The following QKI variants were observed in gnomAD, a reference collection of about 807,000 sequenced individuals.
The protein encoded by QKI is QKI, KH domain containing RNA binding.
QKI carries 10 observed loss-of-function variants against 39.0 expected under a neutral mutation model. The ratio of observed to expected loss-of-function variants is 0.26; its 90% CI spans 0.16 to 0.43. The LOEUF (loss-of-function observed/expected upper bound fraction) is 0.43, where lower values mean the gene tolerates loss of function less well. QKI is among the 20% of genes least tolerant of loss of function. The pLI is 1.00. For missense variants in QKI, 218 were observed against 428.0 expected, an observed-to-expected ratio of 0.51 and a Z score of 4.33; for synonymous variants, 204 against 155.4, an observed-to-expected ratio of 1.31 and a Z score of -2.33.
At chr6:163,533,571 A>AT (rs1327930444) in intron 3 of QKI, among the ~76,000 whole-genome samples, 2 of 152,088 alleles carry the variant, frequency 1.3e-5, no homozygotes, top group African/African-American at 4.8e-5. Flanking sequence ...TATGTTCTTG[A>AT]TTTTTATTAC....
At chr6:163,472,172 C>T (rs1202072833) in intron 2 of QKI, among the ~76,000 whole-genome samples, 1 of 152,076 alleles carries the variant, frequency 6.6e-6, no homozygotes, top group Non-Finnish European at 1.5e-5. Context: ...AGTTGATCAA[C>T]ACATTTTGTA....
intron 2 of QKI, among the ~76,000 whole-genome samples, chr6:163,473,933 AT>A (rs774953164): frequency 6.7e-6 from 1 of 149,150 alleles, no homozygotes; most frequent in Non-Finnish European, 1.5e-5. Flanking sequence ...AAAAAAAAAA[AT>A]CACCAGAATG....
chr6:163,525,286 T>TTC (rs368196224), intron 3 of QKI, among the ~76,000 whole-genome samples: 20,480 of 144,092 alleles, frequency 0.14, 1,907 homozygotes, highest in African/African-American at 0.24. Context: ...TTTTTTCCTG[T>TTC]TCTCTCTCTC....
intron 1 of QKI, among the ~76,000 whole-genome samples, chr6:163,455,027 C>T (rs768053717): frequency 3.3e-5 from 5 of 152,158 alleles, no homozygotes; most frequent in Admixed American, 2.6e-4. Context: ...GGAAGGAGCT[C>T]GGGCTTTGAA....
At chr6:163,493,016 T>G (rs1562484780) in intron 3 of QKI, among the ~76,000 whole-genome samples, 1 of 152,210 alleles carries the variant, frequency 6.6e-6, no homozygotes. Context: ...TTTAAAAATC[T>G]AATCTTCCCC....
chr6:163,525,095 C>T (rs1173320074), intron 3 of QKI, among the ~76,000 whole-genome samples: 1 of 151,986 alleles, frequency 6.6e-6, no homozygotes, highest in East Asian at 1.9e-4. Flanking sequence ...ATCTTATTAA[C>T]AATTGTTTTG....
At chr6:163,467,226 A>G (rs1334143408) in intron 2 of QKI, among the ~76,000 whole-genome samples, 1 of 152,226 alleles carries the variant, frequency 6.6e-6, no homozygotes, top group Non-Finnish European at 1.5e-5. Context: ...TGTGTTAATT[A>G]GCTTGATTGT....
intron 6 of QKI, chr6:163,564,441 T>G: frequency 7.1e-7 from 1 of 1,401,872 alleles, no homozygotes; most frequent in Non-Finnish European, 9.3e-7. Context: ...TGTAGTTGTA[T>G]TCTTAAGATT....
At chr6:163,564,490 CATG>C (rs1783232977) in intron 6 of QKI, 9 of 1,429,196 alleles carry the variant, frequency 6.3e-6, no homozygotes, top group Non-Finnish European at 8.2e-6. Context: ...TCATATTAAA[CATG>C]AGAGATACTC....
chr6:163,507,161 T>TC (rs905752970), intron 3 of QKI, among the ~76,000 whole-genome samples: 1 of 152,214 alleles, frequency 6.6e-6, no homozygotes, highest in African/African-American at 2.4e-5. Flanking sequence ...AGGAAATGTT[T>TC]CTGGTTGCAG....
At chr6:163,553,790 T>C (rs950476411) in intron 4 of QKI, among the ~76,000 whole-genome samples, 2 of 152,212 alleles carry the variant, frequency 1.3e-5, no homozygotes, top group Admixed American at 6.5e-5. Flanking sequence ...GCAGAACATA[T>C]TGTCCTAAGG....
At chr6:163,421,533 T>C (rs570000127) in intron 1 of QKI, among the ~76,000 whole-genome samples, 2 of 151,432 alleles carry the variant, frequency 1.3e-5, no homozygotes, top group African/African-American at 4.9e-5. Context: ...CCCTAAGTGC[T>C]GCTTTGGTGT....
chr6:163,415,883 A>G (rs749258314), intron 1 of QKI: 39 of 511,332 alleles, frequency 7.6e-5, no homozygotes, highest in South Asian at 4.7e-4. Context: ...CAGCTGTTCA[A>G]TACTAAGTGG....
chr6:163,497,791 T>G (rs959590843), intron 3 of QKI, among the ~76,000 whole-genome samples: 3 of 152,116 alleles, frequency 2.0e-5, no homozygotes, highest in African/African-American at 7.2e-5. Flanking sequence ...TGTCTAGTTG[T>G]AATTACTAAT....
At chr6:163,511,106 A>G (rs1173978962) in intron 3 of QKI, among the ~76,000 whole-genome samples, 2 of 152,140 alleles carry the variant, frequency 1.3e-5, no homozygotes, top group South Asian at 2.1e-4. Flanking sequence ...TTAAATTTCA[A>G]GTATTTGGAA....
At chr6:163,535,589 T>TG (rs1781146203) in intron 4 of QKI, among the ~76,000 whole-genome samples, 1 of 152,262 alleles carries the variant, frequency 6.6e-6, no homozygotes, top group South Asian at 2.1e-4. Flanking sequence ...TAATTTTTTT[T>TG]TCTTATATTA....
chr6:163,541,567 T>G (rs1363033189), intron 4 of QKI, among the ~76,000 whole-genome samples: 2 of 151,626 alleles, frequency 1.3e-5, no homozygotes, highest in Non-Finnish European at 2.9e-5. Flanking sequence ...CTCCATTCAT[T>G]CATTGTAAAG....
chr6:163,427,774 G>A (rs183636265), intron 1 of QKI, among the ~76,000 whole-genome samples: 1 of 152,170 alleles, frequency 6.6e-6, no homozygotes, highest in East Asian at 1.9e-4. Flanking sequence ...TCTTAAGCAC[G>A]AAGGGTAGGG....
intron 3 of QKI, among the ~76,000 whole-genome samples, chr6:163,499,019 G>GC (rs1778582387): frequency 6.6e-6 from 1 of 152,116 alleles, no homozygotes; most frequent in Non-Finnish European, 1.5e-5. Context: ...TAAATTTTGT[G>GC]CACGAAACAA....
Sources: gnomAD v4.1 joint callset for allele counts (sites outside exome capture counted in the v4.1 genomes callset) on GRCh38, gnomAD v4.1.1 for gene constraint, MANE v1.5 for transcripts, NCBI Gene and HGNC (gene_info 2026-07-23, HGNC 2026-07-21) for gene names.